ADAM22: variants seen among roughly 807,000 people sequenced by gnomAD.
ADAM22 encodes disintegrin and metalloproteinase domain-containing protein 22.
Under a neutral mutation model 144.6 loss-of-function variants are expected in ADAM22, and 65 were observed. That is an observed-to-expected ratio of 0.45 (90% confidence interval 0.37 to 0.55). The LOEUF (loss-of-function observed/expected upper bound fraction) is 0.55. Among genes scored for constraint, ADAM22 ranks in the 20% least tolerant of loss-of-function variants. The pLI, the probability that ADAM22 is intolerant of heterozygous loss-of-function variation, is 0.00. For synonymous variants in ADAM22, 391 were observed against 412.6 expected, an observed-to-expected ratio of 0.95 and a Z score of 0.63; for missense variants, 974 against 1,184.9, an observed-to-expected ratio of 0.82 and a Z score of 2.61.
At chr7:88,095,253 A>G (rs1820943700) in intron 4 of ADAM22, among the ~76,000 whole-genome samples, 1 of 152,204 alleles carries the variant, frequency 6.6e-6, no homozygotes, top group Non-Finnish European at 1.5e-5. Context: ...TAAATTCCAT[A>G]AGAAGTTCCT....
rs191667485 is a variant in ADAM22, at chr7:88,086,037, G to T, written c.390+10345G>T. The stretch of plus-strand genomic sequence containing the variant: ...TAAAAATACAAAAAATTAGCTGGGC[G>T]TGGTGGCATGCACCTGTAATCCCAG... On this transcript the variant is annotated intron_variant, in intron 4 of 31. Transcript: ENST00000413139. Among the ~76,000 whole-genome samples, 14 of 152,190 alleles carry T rather than the reference G, an allele frequency of 9.2e-5. No individual in the cohort carries two copies. In the East Asian group the frequency reaches 2.7e-3, roughly 29 times the overall value.
At chr7:88,160,926 G>T (rs1841440779) in intron 22 of ADAM22, among the ~76,000 whole-genome samples, 2 of 151,998 alleles carry the variant, frequency 1.3e-5, no homozygotes, top group South Asian at 4.2e-4. Context: ...AGAACACTTG[G>T]ACACAGGAAG....
At chr7:88,105,406 C>G (rs1431382386) in intron 4 of ADAM22, among the ~76,000 whole-genome samples, 1 of 152,150 alleles carries the variant, frequency 6.6e-6, no homozygotes, top group Non-Finnish European at 1.5e-5. Context: ...GCCTGGCCAA[C>G]ACAAAGCTAG....
chr7:88,129,061 T>C (rs544223487), intron 9 of ADAM22, among the ~76,000 whole-genome samples: 1 of 152,146 alleles, frequency 6.6e-6, no homozygotes, highest in East Asian at 1.9e-4. Flanking sequence ...ACCTTTATCT[T>C]AATAAAAGAA....
At chr7:88,005,277 G>A (rs1793536168) in intron 3 of ADAM22, among the ~76,000 whole-genome samples, 2 of 152,236 alleles carry the variant, frequency 1.3e-5, no homozygotes, top group South Asian at 4.1e-4. Flanking sequence ...TTAACATACT[G>A]AAAAACAATA....
intron 2 of ADAM22, among the ~76,000 whole-genome samples, chr7:87,977,565 A>G (rs937607101): frequency 2.0e-5 from 3 of 152,210 alleles, no homozygotes; most frequent in African/African-American, 4.8e-5. Flanking sequence ...GCTACTGTTC[A>G]TATTTGGTGA....
intron 3 of ADAM22, among the ~76,000 whole-genome samples, chr7:88,035,670 G>A (rs1208473428): frequency 3.3e-5 from 5 of 152,190 alleles, no homozygotes; most frequent in Non-Finnish European, 4.4e-5. Context: ...TAGCATTCAT[G>A]TTGTATTAGA....
chr7:88,176,831 C>G (rs1845790806), intron 26 of ADAM22, among the ~76,000 whole-genome samples: 1 of 152,140 alleles, frequency 6.6e-6, no homozygotes, highest in Admixed American at 6.5e-5. Flanking sequence ...ATGGTGCGAT[C>G]TCGGCTCACT....
intron 3 of ADAM22, among the ~76,000 whole-genome samples, chr7:88,069,122 C>G (rs1169216140): frequency 6.6e-6 from 1 of 151,430 alleles, no homozygotes; most frequent in Non-Finnish European, 1.5e-5. Context: ...TCGCTCTCAC[C>G]CTCTCTTGTC....
chr7:87,940,805 G>T (rs1842324302), intron 2 of ADAM22, among the ~76,000 whole-genome samples: 3 of 152,140 alleles, frequency 2.0e-5, no homozygotes, highest in Admixed American at 6.5e-5. Flanking sequence ...CCTTTCTTCT[G>T]TCTTGAAATT....
chr7:88,191,953 T>G (rs1486603626), intron 30 of ADAM22, among the ~76,000 whole-genome samples: 4 of 152,190 alleles, frequency 2.6e-5, no homozygotes, highest in South Asian at 2.1e-4. Context: ...GAAATTAGTA[T>G]GAAAACTATG....
intron 4 of ADAM22, among the ~76,000 whole-genome samples, chr7:88,085,931 C>T (rs1486751975): frequency 6.6e-6 from 1 of 152,166 alleles, no homozygotes; most frequent in East Asian, 1.9e-4. Context: ...AATTCCAGCA[C>T]TTTGGGAGGC....
At chr7:87,947,308 G>A (rs1188908406) in intron 2 of ADAM22, among the ~76,000 whole-genome samples, 4 of 151,348 alleles carry the variant, frequency 2.6e-5, no homozygotes, top group Non-Finnish European at 5.9e-5. Flanking sequence ...GCTGTAAATA[G>A]TACATAGCTT....
chr7:88,025,269 T>C (rs1798763930), intron 3 of ADAM22, among the ~76,000 whole-genome samples: 1 of 152,232 alleles, frequency 6.6e-6, no homozygotes. Flanking sequence ...GTATTCTGGT[T>C]ATTAATCCTT....
At chr7:88,165,583 T>G (rs1436523835) in intron 23 of ADAM22, among the ~76,000 whole-genome samples, 3 of 152,102 alleles carry the variant, frequency 2.0e-5, no homozygotes, top group African/African-American at 7.2e-5. Context: ...TTCTTTGATT[T>G]TTTTTTTAGA....
chr7:88,028,449 A>G (rs1295892543), intron 3 of ADAM22, among the ~76,000 whole-genome samples: 3 of 152,140 alleles, frequency 2.0e-5, no homozygotes, highest in African/African-American at 7.2e-5. Flanking sequence ...AAGAATGTGT[A>G]TTCTGTAGCT....
chr7:87,944,825 T>G (rs1032176901), intron 2 of ADAM22, among the ~76,000 whole-genome samples: 13 of 151,354 alleles, frequency 8.6e-5, no homozygotes, highest in South Asian at 4.2e-4. Flanking sequence ...TGTTTTTTTT[T>G]TTTTTGTTTT....
rs146339104 is a variant in ADAM22 at position 88,003,889 on chromosome 7, G to A, written c.323+25477G>A. ...CCAGGGAAATTGCCCTTGCTCTACC[G>A]AGTCTCAAGTGAGCACTCAGGAATG... On this transcript the variant is annotated intron_variant, in intron 3 of 31. Coordinates refer to ENST00000413139, the MANE Select transcript of ADAM22 (RefSeq NM_001324418.2). Among the ~76,000 whole-genome samples, 648 of 152,250 alleles carry A rather than the reference G, an allele frequency of 4.3e-3. 4 individuals are homozygous for A. Among genetic ancestry groups the A allele is most frequent in the South Asian group, 0.012 (60 of 4,828 alleles).
At chr7:87,950,951 CTGTT>C in intron 2 of ADAM22, among the ~76,000 whole-genome samples, 1 of 151,982 alleles carries the variant, frequency 6.6e-6, no homozygotes, top group Non-Finnish European at 1.5e-5. Flanking sequence ...TGAGAAGTGT[CTGTT>C]CATATCCTTT....
Sources: gnomAD v4.1 joint callset for allele counts (sites outside exome capture counted in the v4.1 genomes callset) on GRCh38, gnomAD v4.1.1 for gene constraint, MANE v1.5 for transcripts, NCBI Gene and HGNC (gene_info 2026-07-23, HGNC 2026-07-21) for gene names.